The following NSUN6 variants were observed in gnomAD, a reference collection of about 807,000 sequenced individuals.
NSUN6 encodes the protein NOP2/Sun RNA methyltransferase 6.
Under a neutral mutation model 58.0 loss-of-function variants are expected in NSUN6, and 64 were observed. The observed-to-expected ratio is 1.10, with a 90% CI of 0.90 to 1.36. The LOEUF (loss-of-function observed/expected upper bound fraction) is 1.36. NSUN6 is among the 40% of genes most tolerant of loss of function. The pLI is 0.00. For missense variants in NSUN6, 701 were observed against 550.1 expected (o/e 1.27, Z -2.74); for synonymous variants, 231 against 193.9 (o/e 1.19, Z -1.59).
At chr10:18,621,773 T>G (rs2058614987) in intron 3 of NSUN6, among the ~76,000 whole-genome samples, 1 of 152,310 alleles carries the variant, frequency 6.6e-6, no homozygotes, top group East Asian at 1.9e-4. Flanking sequence ...GGGAATGTCC[T>G]GTTAAGGAAT....
chr10:18,588,506 G>A (rs973369448), intron 7 of NSUN6, among the ~76,000 whole-genome samples: 2 of 152,180 alleles, frequency 1.3e-5, no homozygotes, highest in Non-Finnish European at 1.5e-5. Context: ...AACAGGGGTC[G>A]ACAGACACCT....
At chr10:18,621,461 T>A (rs148236708) in intron 3 of NSUN6, among the ~76,000 whole-genome samples, 1 of 152,242 alleles carries the variant, frequency 6.6e-6, no homozygotes, top group Non-Finnish European at 1.5e-5. Context: ...ACTGACAATA[T>A]AAAAACACAG....
At chr10:18,590,967 A>G (rs1344338939) in intron 7 of NSUN6, among the ~76,000 whole-genome samples, 1 of 152,148 alleles carries the variant, frequency 6.6e-6, no homozygotes, top group Admixed American at 6.5e-5. Flanking sequence ...TTTTTTGAAA[A>G]GATTAACAAA....
Position 18,651,272 on chromosome 10 carries a change from C to G in NSUN6, c.-69G>C. On this transcript the variant is annotated 5_prime_UTR_variant, in exon 1 of 11. Coordinates refer to ENST00000377304, the MANE Select transcript of NSUN6 (RefSeq NM_182543.5). Reference sequence around the variant, plus strand: ...CGGTGTTTTGTTTTTTTTTTTCTTTCCGAATTAATAGTGACGAGTGTCTTG... The same window carrying G: ...CGGTGTTTTGTTTTTTTTTTTCTTTGCGAATTAATAGTGACGAGTGTCTTG... 1 of 1,459,546 alleles carries G rather than the reference C, an allele frequency of 6.9e-7. No individual in the cohort carries two copies. The allele number at this position is 1,459,546 out of a possible 1,614,324, so 90.4% of individuals were successfully genotyped here.
chr10:18,652,257 T>C (rs1590212534), upstream of NSUN6: 4 of 984,316 alleles, frequency 4.1e-6, no homozygotes, highest in African/African-American at 5.2e-5. Context: ...GACAAGGATA[T>C]AGATTCAAAG....
At chr10:18,646,261 T>C (rs2131588318) in intron 2 of NSUN6, among the ~76,000 whole-genome samples, 1 of 152,266 alleles carries the variant, frequency 6.6e-6, no homozygotes, top group Middle Eastern at 3.4e-3. Context: ...CTTACTTTTA[T>C]ATCATCCTAT....
intron 3 of NSUN6, among the ~76,000 whole-genome samples, chr10:18,640,767 A>C (rs1184193582): frequency 1.3e-5 from 2 of 152,150 alleles, no homozygotes; most frequent in Non-Finnish European, 2.9e-5. Flanking sequence ...ACCTTTAAAC[A>C]ACTGAATACA....
chr10:18,631,782 A>G (rs1410525075), intron 3 of NSUN6, among the ~76,000 whole-genome samples: 1 of 151,848 alleles, frequency 6.6e-6, no homozygotes, highest in Non-Finnish European at 1.5e-5. Flanking sequence ...AGAACATTCC[A>G]TGCTCATGGG....
Position 18,545,880 on chromosome 10 carries a change from A to AAAAAAAC in NSUN6, c.*52_*53insGTTTTTT. On this transcript the variant is annotated 3_prime_UTR_variant, in exon 11 of 11. Transcript: ENST00000377304. ...ACAACACTTTGGTTAAAAAAAAAAA[A>AAAAAAAC]ACCACAGACAGCAAATGTTTGGAAT... The AAAAAAAC allele has an allele frequency of 9.2e-7, 1 of 1,085,454 alleles. No homozygotes were observed. The highest frequency in any genetic ancestry group is 2.4e-5 in the East Asian group (1 of 42,062). The allele number at this position is 1,085,454 out of a possible 1,614,324, so 67.2% of individuals were successfully genotyped here. A position where few individuals can be genotyped will look rare whatever the true frequency, so the allele number is the denominator to read the frequency against.
chr10:18,658,460 A>G (rs1210461428), upstream of NSUN6: 3 of 156,124 alleles, frequency 1.9e-5, no homozygotes. Flanking sequence ...GTTTCGTTTC[A>G]TGCCAGGCTG....
chr10:18,608,822 C>CA (rs904040560), intron 6 of NSUN6, among the ~76,000 whole-genome samples: 4 of 152,074 alleles, frequency 2.6e-5, no homozygotes, highest in African/African-American at 7.2e-5. Context: ...TAAACAAGCA[C>CA]AAAAAAACTC....
rs556887209 is a variant in NSUN6 at position 18,616,265 on chromosome 10, C to G, written c.340G>C (p.Ala114Pro). ...RKNIKKQQCEAIVGAQCGNAV... is the reference protein window; with the variant it reads ...RKNIKKQQCEPIVGAQCGNAV... ...TTGCCACACTGGGCTCCAACAATGG[C>G]TTCACACTGTTGTTTTTTAATATTC... is the stretch of plus-strand genomic sequence containing the variant. The change falls in exon 4 of 11, where the codon GCC (alanine) becomes CCC (proline). Residue 114 changes from alanine (A) to proline (P), a missense_variant. Ala to Pro is a conservative substitution (Grantham distance 27). Coordinates refer to ENST00000377304, the MANE Select transcript of NSUN6 (RefSeq NM_182543.5). 6.2e-7 allele frequency: 1 copy of G among 1,609,362 alleles called. No individual in the cohort carries two copies. The highest frequency in any genetic ancestry group is 8.5e-7 in the Non-Finnish European group (1 of 1,175,720).
intron 8 of NSUN6, among the ~76,000 whole-genome samples, chr10:18,579,054 C>T (rs1460859361): frequency 1.3e-5 from 2 of 152,184 alleles, no homozygotes; most frequent in Admixed American, 1.3e-4. Flanking sequence ...CTAGGATCAC[C>T]AGAATGACCC....
At chr10:18,554,803 T>G (rs1408871616) in intron 8 of NSUN6, among the ~76,000 whole-genome samples, 2 of 144,050 alleles carry the variant, frequency 1.4e-5, no homozygotes, top group Non-Finnish European at 1.5e-5. Flanking sequence ...GAGAATGAAA[T>G]GGAATGGAAT....
At chr10:18,569,312 C>T (rs901725918) in intron 8 of NSUN6, among the ~76,000 whole-genome samples, 21 of 150,120 alleles carry the variant, frequency 1.4e-4, no homozygotes, top group Admixed American at 7.3e-4. Context: ...CCATTCTCCA[C>T]TCCATTGTAT....
At chr10:18,585,304 A>C (rs2057082059) in intron 8 of NSUN6, among the ~76,000 whole-genome samples, 1 of 152,188 alleles carries the variant, frequency 6.6e-6, no homozygotes, top group Non-Finnish European at 1.5e-5. Flanking sequence ...CAGCAATCCT[A>C]CTACTGGGTA....
chr10:18,653,162 T>G, upstream of NSUN6: 1 of 984,998 alleles, frequency 1.0e-6, no homozygotes, highest in Non-Finnish European at 1.2e-6. Context: ...AGAAACAAGT[T>G]GAACTACATT....
intron 1 of NSUN6, 150 bp from the exon 2 acceptor site, chr10:18,648,795 A>C: frequency 1.9e-6 from 1 of 515,048 alleles, no homozygotes; most frequent in South Asian, 3.3e-5. Flanking sequence ...ATAGCAACTA[A>C]GGAAATAGTA....
intron 8 of NSUN6, among the ~76,000 whole-genome samples, chr10:18,571,584 AT>A: frequency 6.9e-6 from 1 of 145,370 alleles, no homozygotes; most frequent in African/African-American, 2.6e-5. Flanking sequence ...TCCAATGTCC[AT>A]TCCATTCCAT....
Sources: gnomAD v4.1 joint callset for allele counts (sites outside exome capture counted in the v4.1 genomes callset) on GRCh38, gnomAD v4.1.1 for gene constraint, MANE v1.5 for transcripts, NCBI Gene and HGNC (gene_info 2026-07-23, HGNC 2026-07-21) for gene names.